SHISA6: variants seen among roughly 807,000 people sequenced by gnomAD.
The protein encoded by SHISA6 is shisa family member 6.
In SHISA6, 22 loss-of-function variants were observed where a neutral mutation model predicts 47.9. That is an observed-to-expected ratio of 0.46 (90% CI 0.33 to 0.66). The LOEUF is 0.66. SHISA6 is among the 30% of genes least tolerant of loss of function. The pLI is 0.02. For synonymous variants in SHISA6, 388 were observed against 337.8 expected (o/e 1.15, Z -1.63); for missense variants, 680 against 764.6 (o/e 0.89, Z 1.30).
At chr17:11,290,906 C>T (rs947035024) in intron 2 of SHISA6, 9 of 151,992 alleles carry the variant, frequency 5.9e-5, no homozygotes, top group South Asian at 2.1e-4. Flanking sequence ...CCATGCTCTT[C>T]GCCTTGAATG....
At chr17:11,347,190 A>AG (rs1001489697) in intron 2 of SHISA6, among the ~76,000 whole-genome samples, 3 of 151,012 alleles carry the variant, frequency 2.0e-5, no homozygotes, top group Non-Finnish European at 3.0e-5. Flanking sequence ...TCATTTTTTG[A>AG]GGGAAAAAAA....
chr17:11,296,856 A>G (rs970496143), intron 2 of SHISA6, among the ~76,000 whole-genome samples: 2 of 152,114 alleles, frequency 1.3e-5, no homozygotes, highest in African/African-American at 4.8e-5. Context: ...GTGTCCCAGA[A>G]GCTAGAGAAG....
chr17:11,556,431 G>T (rs1302329426), intron 5 of SHISA6, among the ~76,000 whole-genome samples: 1 of 152,118 alleles, frequency 6.6e-6, no homozygotes, highest in Non-Finnish European at 1.5e-5. Context: ...CTTGAGTCTG[G>T]GGAGACTCTG....
chr17:11,355,632 C>A (rs1231221053), intron 2 of SHISA6, among the ~76,000 whole-genome samples: 2 of 152,170 alleles, frequency 1.3e-5, no homozygotes, highest in East Asian at 3.9e-4. Flanking sequence ...AGATAAAACA[C>A]ACTGATCTCT....
chr17:11,284,130 A>G (rs182149583), intron 2 of SHISA6, among the ~76,000 whole-genome samples: 42 of 151,948 alleles, frequency 2.8e-4, no homozygotes, highest in Non-Finnish European at 4.4e-4. Flanking sequence ...TCCTCCCCCT[A>G]CCTCATCTAG....
intron 2 of SHISA6, among the ~76,000 whole-genome samples, chr17:11,350,954 A>G (rs1201047218): frequency 1.3e-5 from 2 of 152,194 alleles, no homozygotes; most frequent in East Asian, 3.9e-4. Flanking sequence ...ATGGAATACT[A>G]TGCAGCCATA....
At position 11,350,337 on chromosome 17, in the gene SHISA6, G is replaced by A. The variant is rs1459763311; in HGVS notation, c.800-29077G>A. 1.7e-3 allele frequency among the ~76,000 whole-genome samples: 4 copies of A among 2,386 alleles called. 1 individual carries two copies. Among genetic ancestry groups the A allele is most frequent in the East Asian group, 0.1 (2 of 20 alleles). The allele number at this position is 2,386 out of a possible 152,430, so 1.6% of individuals were successfully genotyped here. On this transcript the variant is annotated intron_variant, in intron 2 of 5. Coordinates refer to ENST00000441885, the MANE Select transcript of SHISA6 (RefSeq NM_207386.4). ...TGGGACTACAGGCGCCTGCCACCAC[G>A]CCCGGCTAATTTTTTTGTCATTTTA...
intron 3 of SHISA6, among the ~76,000 whole-genome samples, chr17:11,389,197 G>A (rs1461548000): frequency 6.6e-6 from 1 of 152,122 alleles, no homozygotes; most frequent in Non-Finnish European, 1.5e-5. Flanking sequence ...TCATATCCCT[G>A]TTTAATGCTT....
chr17:11,508,070 G>T (rs2071515107), intron 3 of SHISA6, among the ~76,000 whole-genome samples: 1 of 152,226 alleles, frequency 6.6e-6, no homozygotes, highest in African/African-American at 2.4e-5. Flanking sequence ...TGCTAAAGCA[G>T]CTTTATTCTT....
chr17:11,397,889 GC>G (rs797002913), intron 3 of SHISA6, among the ~76,000 whole-genome samples: 19 of 151,938 alleles, frequency 1.3e-4, no homozygotes, highest in Non-Finnish European at 1.8e-4. Context: ...GGAGATTAGA[GC>G]CCCCCCTTAG....
intron 3 of SHISA6, among the ~76,000 whole-genome samples, chr17:11,410,004 C>T (rs1022258271): frequency 1.3e-5 from 2 of 152,144 alleles, no homozygotes; most frequent in African/African-American, 2.4e-5. Flanking sequence ...GTCATAGGCT[C>T]ACAGAATTAT....
intron 3 of SHISA6, among the ~76,000 whole-genome samples, chr17:11,426,776 T>G (rs1457784664): frequency 2.6e-5 from 4 of 152,184 alleles, no homozygotes; most frequent in Admixed American, 2.6e-4. Context: ...ATTCTGGAAG[T>G]TGCGGGGAGG....
At chr17:11,350,086 G>C (rs1597470017) in intron 2 of SHISA6, among the ~76,000 whole-genome samples, 1 of 151,546 alleles carries the variant, frequency 6.6e-6, no homozygotes, top group East Asian at 1.9e-4. Context: ...CCGCCTCCCA[G>C]GTTCAAGTGA....
At chr17:11,278,405 A>C (rs1443319697) in intron 2 of SHISA6, among the ~76,000 whole-genome samples, 2 of 152,076 alleles carry the variant, frequency 1.3e-5, no homozygotes, top group South Asian at 2.1e-4. Flanking sequence ...CTGCACCTGC[A>C]CTCTCAGGAG....
chr17:11,319,606 A>G (rs979129140), intron 2 of SHISA6, among the ~76,000 whole-genome samples: 1 of 152,202 alleles, frequency 6.6e-6, no homozygotes, highest in Non-Finnish European at 1.5e-5. Flanking sequence ...TTAATACTCT[A>G]ACCATCTAAA....
chr17:11,437,040 C>T (rs1914961119), intron 3 of SHISA6, among the ~76,000 whole-genome samples: 1 of 152,126 alleles, frequency 6.6e-6, no homozygotes, highest in African/African-American at 2.4e-5. Flanking sequence ...GAGGGAGAGA[C>T]ATGGGTGCAG....
chr17:11,402,581 A>G (rs1913814406), intron 3 of SHISA6, among the ~76,000 whole-genome samples: 1 of 152,160 alleles, frequency 6.6e-6, no homozygotes, highest in Non-Finnish European at 1.5e-5. Context: ...TTCTCAGCTA[A>G]TGTGGCAGAG....
chr17:11,515,271 T>A (rs1225930378), intron 3 of SHISA6, among the ~76,000 whole-genome samples: 4,989 of 57,436 alleles, frequency 0.087, no homozygotes, highest in Middle Eastern at 0.16. Context: ...AAAAAGAAAA[T>A]AGAGAAAGAA....
At chr17:11,380,573 G>A (rs147707790) in intron 3 of SHISA6, 1 of 152,214 alleles carries the variant, frequency 6.6e-6, no homozygotes, top group East Asian at 1.9e-4. Flanking sequence ...CTGGGCCATA[G>A]TCTATTAACT....
Sources: gnomAD v4.1 joint callset for allele counts (sites outside exome capture counted in the v4.1 genomes callset) on GRCh38, gnomAD v4.1.1 for gene constraint, MANE v1.5 for transcripts, NCBI Gene and HGNC (gene_info 2026-07-23, HGNC 2026-07-21) for gene names.